The following C4orf51 variants were observed in gnomAD, a reference collection of about 807,000 sequenced individuals.
The protein encoded by C4orf51 is uncharacterized protein C4orf51.
C4orf51 carries 25 observed loss-of-function variants against 25.2 expected under a neutral mutation model. The ratio of observed to expected loss-of-function variants is 0.99; its 90% CI spans 0.72 to 1.39. The LOEUF is 1.39. Ranked by LOEUF, C4orf51 falls within the 40% of genes most tolerant of loss-of-function variation. The pLI is 0.00. For missense variants in C4orf51, 252 were observed against 239.6 expected, an observed-to-expected ratio of 1.05 and a Z score of -0.34; for synonymous variants, 100 against 84.5, an observed-to-expected ratio of 1.18 and a Z score of -1.01.
chr4:145,774,704 G>A (rs1302927032), downstream of C4orf51: 2 of 1,602,954 alleles, frequency 1.2e-6, no homozygotes, highest in East Asian at 2.2e-5. Context: ...AAGAGGGGGA[G>A]AGAAAAGGGT....
intron 2 of C4orf51, among the ~76,000 whole-genome samples, chr4:145,726,405 T>A (rs555386081): frequency 6.6e-6 from 1 of 152,160 alleles, no homozygotes; most frequent in African/African-American, 2.4e-5. Flanking sequence ...CACAATAAAC[T>A]ATTGGGCTTT....
At chr4:145,776,301 T>G in the C4orf51 span, among the ~76,000 whole-genome samples, 1 of 151,656 alleles carries the variant, frequency 6.6e-6, no homozygotes, top group Non-Finnish European at 1.5e-5. Flanking sequence ...TACAAAAAAA[T>G]TTTTAAAAAA....
At chr4:145,694,365 G>A (rs1478360438) in intron 1 of C4orf51, among the ~76,000 whole-genome samples, 1 of 149,568 alleles carries the variant, frequency 6.7e-6, no homozygotes, top group African/African-American at 2.5e-5. Context: ...CCGTCCGGGA[G>A]GGAGGTGGGG....
intron 1 of C4orf51, among the ~76,000 whole-genome samples, chr4:145,690,951 C>CA (rs1279770003): frequency 6.6e-6 from 1 of 151,278 alleles, no homozygotes; most frequent in East Asian, 2.0e-4. Flanking sequence ...TCCCACCCCC[C>CA]ACAAAAAAAG....
At chr4:145,721,320 G>A (rs1162082275) in intron 2 of C4orf51, among the ~76,000 whole-genome samples, 2 of 149,512 alleles carry the variant, frequency 1.3e-5, no homozygotes, top group African/African-American at 5.0e-5. Context: ...ACTCCAGCCT[G>A]GGCGACAGAG....
At chr4:145,731,981 T>C (rs11933770) in intron 5 of C4orf51, among the ~76,000 whole-genome samples, 12 of 152,164 alleles carry the variant, frequency 7.9e-5, no homozygotes, top group African/African-American at 2.7e-4. Context: ...AAGCAATAAG[T>C]AGAGATTGAA....
chr4:145,787,538 T>C, the C4orf51 span, among the ~76,000 whole-genome samples: 2 of 152,096 alleles, frequency 1.3e-5, no homozygotes, highest in Non-Finnish European at 2.9e-5. Context: ...GGAGATTCTT[T>C]TTAGATGTAA....
chr4:145,718,181 G>A (rs1731520664), intron 2 of C4orf51, among the ~76,000 whole-genome samples: 2 of 152,214 alleles, frequency 1.3e-5, no homozygotes, highest in Non-Finnish European at 2.9e-5. Context: ...TATTCTTGCT[G>A]TTCCAGGAGA....
At chr4:145,753,567 C>T (rs1438345435) in intron 1 of C4orf51, among the ~76,000 whole-genome samples, 1 of 152,108 alleles carries the variant, frequency 6.6e-6, no homozygotes, top group Non-Finnish European at 1.5e-5. Flanking sequence ...CCTTGTCCAG[C>T]CCCATATTCC....
intron 1 of C4orf51, among the ~76,000 whole-genome samples, chr4:145,684,955 A>G (rs566828243): frequency 1.4e-4 from 21 of 152,312 alleles, no homozygotes; most frequent in Admixed American, 1.2e-3. Flanking sequence ...TAAGCTTATT[A>G]GGTAAAACTG....
chr4:145,731,366 T>C (rs1427305138), intron 5 of C4orf51, among the ~76,000 whole-genome samples: 1 of 152,054 alleles, frequency 6.6e-6, no homozygotes, highest in South Asian at 2.1e-4. Context: ...GTAGCCGCTT[T>C]TAAGTCAACC....
the C4orf51 span, among the ~76,000 whole-genome samples, chr4:145,780,712 C>T: frequency 4.6e-5 from 7 of 152,202 alleles, no homozygotes; most frequent in African/African-American, 1.7e-4. Flanking sequence ...TAAAAGGACA[C>T]TTGAATGGGC....
downstream of C4orf51, chr4:145,774,694 AAG>A (rs552972797): frequency 4.5e-4 from 719 of 1,608,124 alleles, 1 homozygote; most frequent in Middle Eastern, 8.3e-4. Flanking sequence ...GGTAAAAGAA[AAG>A]AGGGGGAGAG....
chr4:145,730,008 G>T (rs773936630), intron 5 of C4orf51, 43 bp downstream of exon 5: 7 of 1,565,268 alleles, frequency 4.5e-6, no homozygotes, highest in Non-Finnish European at 6.2e-6. Context: ...GATCTGTGGG[G>T]TAGTCAGGAA....
chr4:145,702,845 A>G (rs955372837), intron 2 of C4orf51, among the ~76,000 whole-genome samples: 11 of 144,614 alleles, frequency 7.6e-5, no homozygotes, highest in Non-Finnish European at 1.4e-4. Flanking sequence ...TGTTTCTTCT[A>G]ACATCCCCAC....
intron 2 of C4orf51, among the ~76,000 whole-genome samples, chr4:145,703,816 T>G (rs1379608204): frequency 6.6e-6 from 1 of 152,250 alleles, no homozygotes; most frequent in Non-Finnish European, 1.5e-5. Flanking sequence ...TTCTTTTATA[T>G]GTCGATATCC....
chr4:145,733,209 C>T (rs1359341133), downstream of C4orf51, among the ~76,000 whole-genome samples: 2 of 152,104 alleles, frequency 1.3e-5, no homozygotes, highest in Non-Finnish European at 2.9e-5. Flanking sequence ...CCTCCCGGCC[C>T]GCCGGAGCGG....
chr4:145,725,382 T>A (rs558312729), intron 2 of C4orf51, among the ~76,000 whole-genome samples: 1 of 152,320 alleles, frequency 6.6e-6, no homozygotes, highest in South Asian at 2.1e-4. Context: ...CTTGGCAGTT[T>A]CTTTAAAGGT....
chr4:145,698,946 G>A (rs945828444), intron 2 of C4orf51, among the ~76,000 whole-genome samples: 11 of 151,964 alleles, frequency 7.2e-5, no homozygotes, highest in African/African-American at 2.2e-4. Context: ...CACCTTAACT[G>A]ATGACATTCC....
Sources: gnomAD v4.1 joint callset for allele counts (sites outside exome capture counted in the v4.1 genomes callset) on GRCh38, gnomAD v4.1.1 for gene constraint, MANE v1.5 for transcripts, NCBI Gene and HGNC (gene_info 2026-07-23, HGNC 2026-07-21) for gene names.